Variants in FLNB observed in about 807,000 individuals in gnomAD.
The protein encoded by FLNB is filamin-B.
Under a neutral mutation model 250.6 loss-of-function variants are expected in FLNB, and 111 were observed. The observed-to-expected ratio is 0.44, with a 90% confidence interval of 0.38 to 0.52. The LOEUF (loss-of-function observed/expected upper bound fraction) is 0.52. Among genes scored for constraint, FLNB ranks in the 20% least tolerant of loss-of-function variants. The pLI is 0.00. For missense variants in FLNB, 2,869 were observed against 3,447.8 expected, an observed-to-expected ratio of 0.83 and a Z score of 4.20; for synonymous variants, 1,302 against 1,372.1, an observed-to-expected ratio of 0.95 and a Z score of 1.13.
chr3:58,102,402 T>C, intron 9 of FLNB, 62 bp downstream of exon 9: 1 of 1,568,758 alleles, frequency 6.4e-7, no homozygotes. Context: ...AGCCATGGCA[T>C]ATGGATTTCA....
At chr3:58,025,097 C>CT (rs1335817267) in intron 1 of FLNB, among the ~76,000 whole-genome samples, 6 of 131,482 alleles carry the variant, frequency 4.6e-5, no homozygotes, top group South Asian at 2.5e-4. Context: ...CCTTCCATTT[C>CT]TTTTTTTTCT....
intron 1 of FLNB, among the ~76,000 whole-genome samples, chr3:58,013,630 G>T (rs2097102004): frequency 6.6e-6 from 1 of 152,176 alleles, no homozygotes; most frequent in East Asian, 1.9e-4. Context: ...TTTGAGACCA[G>T]CCTGACCAAC....
intron 25 of FLNB, 151 bp from the exon 26 acceptor site, chr3:58,132,657 A>G (rs1381361802): frequency 1.4e-5 from 13 of 911,028 alleles, no homozygotes; most frequent in Non-Finnish European, 2.3e-5. Context: ...GATTTTTTTC[A>G]GGCCTGTGAT....
At chr3:58,116,414 A>G (rs558002226) in intron 18 of FLNB, among the ~76,000 whole-genome samples, 5 of 152,200 alleles carry the variant, frequency 3.3e-5, no homozygotes, top group African/African-American at 1.2e-4. Context: ...CCCTCAGAAC[A>G]CAGGCTGTGC....
chr3:58,124,639 G>A, intron 22 of FLNB, 134 bp downstream of exon 22: 1 of 960,230 alleles, frequency 1.0e-6, no homozygotes, highest in African/African-American at 1.6e-5. Flanking sequence ...TGACAGAGTG[G>A]AAGTCAGCGT....
intron 1 of FLNB, among the ~76,000 whole-genome samples, chr3:58,044,408 G>A (rs987452727): frequency 1.3e-5 from 2 of 151,782 alleles, no homozygotes; most frequent in Non-Finnish European, 2.9e-5. Flanking sequence ...GCCAGAGTGG[G>A]CAACATAAAG....
intron 45 of FLNB, 172 bp from the exon 46 acceptor site, chr3:58,170,403 G>C (rs1575487135): frequency 1.6e-5 from 10 of 644,908 alleles, no homozygotes; most frequent in South Asian, 1.5e-4. Flanking sequence ...GCAGGGATTC[G>C]AACCCACACC....
chr3:58,124,311 A>G, intron 21 of FLNB, 21 bp from the exon 22 acceptor site: 1 of 1,614,072 alleles, frequency 6.2e-7, no homozygotes, highest in Non-Finnish European at 8.5e-7. Flanking sequence ...TGGCAGTGTT[A>G]GCTATGTGCT....
intron 1 of FLNB, among the ~76,000 whole-genome samples, chr3:58,019,290 CTT>C (rs1559638945): frequency 6.6e-6 from 1 of 152,142 alleles, no homozygotes; most frequent in Non-Finnish European, 1.5e-5. Flanking sequence ...TGACAAAAAA[CTT>C]TGTATCAGCC....
At chr3:58,030,350 T>G (rs1163847819) in intron 1 of FLNB, among the ~76,000 whole-genome samples, 3 of 152,228 alleles carry the variant, frequency 2.0e-5, no homozygotes, top group Admixed American at 6.5e-5. Flanking sequence ...GTTATGGGTT[T>G]CAGGGATCCA....
intron 26 of FLNB, among the ~76,000 whole-genome samples, chr3:58,134,304 G>A (rs2097312598): frequency 6.6e-6 from 1 of 152,196 alleles, no homozygotes; most frequent in Non-Finnish European, 1.5e-5. Flanking sequence ...GATGATCTGA[G>A]GTGGAACAGT....
At chr3:58,141,294 T>TA (rs970934645) in intron 29 of FLNB, among the ~76,000 whole-genome samples, 13 of 152,216 alleles carry the variant, frequency 8.5e-5, no homozygotes, top group African/African-American at 2.9e-4. Context: ...ATTTATCAAG[T>TA]AAAAAAAGAA....
rs998532926 is a variant in FLNB, at chr3:58,130,753, G to C, written c.4235G>C (p.Arg1412Thr). 6.2e-7 allele frequency: 1 copy of C among 1,613,406 alleles called. No individual in the cohort carries two copies. Among genetic ancestry groups the C allele is most frequent in the Non-Finnish European group, 8.5e-7 (1 of 1,179,822 alleles). The change falls in exon 25 of 46, where the codon AGG becomes ACG. Residue 1412 changes from arginine (R) to threonine (T), a missense_variant. Physicochemically the swap from Arg to Thr is moderately conservative, Grantham distance 71 (BLOSUM62 -1). Coordinates refer to ENST00000295956, the MANE Select transcript of FLNB (RefSeq NM_001457.4). ...ACCTCTCTTCCAGGCAGCCCCTTCA[G>C]GGTTCCTGTGAAGGATGTTGTGGAC... ...GGAHIPGSPF[R>T]VPVKDVVDPS... is the part of the protein sequence containing the mutation.
chr3:58,072,592 G>A (rs759639605), intron 1 of FLNB, among the ~76,000 whole-genome samples: 18 of 152,208 alleles, frequency 1.2e-4, no homozygotes, highest in South Asian at 2.1e-4. Flanking sequence ...GGAACCTGGA[G>A]GTCTTTGGGC....
intron 1 of FLNB, among the ~76,000 whole-genome samples, chr3:58,025,217 C>T (rs770385726): frequency 5.4e-5 from 8 of 148,622 alleles, no homozygotes; most frequent in African/African-American, 7.5e-5. Context: ...GCAGCCTCGA[C>T]CTCCAGGACT....
chr3:58,128,359 A>G (rs566116257), intron 24 of FLNB, among the ~76,000 whole-genome samples: 1 of 152,182 alleles, frequency 6.6e-6, no homozygotes, highest in Non-Finnish European at 1.5e-5. Flanking sequence ...TTAAAACAAC[A>G]TGTTTCTCCT....
intron 18 of FLNB, among the ~76,000 whole-genome samples, chr3:58,116,057 A>G (rs1461319484): frequency 6.6e-6 from 1 of 151,956 alleles, no homozygotes; most frequent in African/African-American, 2.4e-5. Flanking sequence ...GCTGTGAGTG[A>G]GCGAATAAAT....
intron 16 of FLNB, 76 bp from the exon 17 acceptor site, chr3:58,111,715 A>G: frequency 9.6e-7 from 1 of 1,036,542 alleles, no homozygotes; most frequent in East Asian, 2.4e-5. Flanking sequence ...GCTAAGGTTC[A>G]CCCTTTGTTG....
intron 34 of FLNB, 75 bp downstream of exon 34, chr3:58,147,068 C>A (rs2097336888): frequency 2.7e-6 from 4 of 1,476,676 alleles, no homozygotes; most frequent in Middle Eastern, 4.7e-4. Flanking sequence ...CCTTATCAGA[C>A]CCCTGGCAGC....
Sources: gnomAD v4.1 joint callset for allele counts (sites outside exome capture counted in the v4.1 genomes callset) on GRCh38, gnomAD v4.1.1 for gene constraint, MANE v1.5 for transcripts, NCBI Gene and HGNC (gene_info 2026-07-23, HGNC 2026-07-21) for gene names.